STAG1: variants seen among roughly 807,000 people sequenced by gnomAD.
STAG1 encodes the protein cohesin subunit SA-1.
In STAG1, 26 loss-of-function variants were observed where a neutral mutation model predicts 170.9. The observed-to-expected ratio is 0.15, with a 90% CI of 0.11 to 0.21. STAG1 has a LOEUF of 0.21. STAG1 is among the 10% of genes least tolerant of loss of function. The pLI is 1.00. For missense variants in STAG1, 964 were observed against 1,509.5 expected, an observed-to-expected ratio of 0.64 and a Z score of 5.99; for synonymous variants, 514 against 497.7, an observed-to-expected ratio of 1.03 and a Z score of -0.44.
intron 23 of STAG1, among the ~76,000 whole-genome samples, chr3:136,373,654 C>T (rs190074279): frequency 2.0e-5 from 3 of 152,062 alleles, no homozygotes; most frequent in South Asian, 2.1e-4. Context: ...TGCAGTTGAG[C>T]GGTTTTGAGT....
At chr3:136,544,262 A>G (rs1157388899) in intron 5 of STAG1, among the ~76,000 whole-genome samples, 1 of 152,178 alleles carries the variant, frequency 6.6e-6, no homozygotes, top group African/African-American at 2.4e-5. Flanking sequence ...CACAGTTTAG[A>G]GAAATGTCTC....
At chr3:136,367,129 C>A in intron 24 of STAG1, 47 bp from the exon 25 acceptor site, 1 of 1,453,042 alleles carries the variant, frequency 6.9e-7, no homozygotes, top group Non-Finnish European at 9.4e-7. Flanking sequence ...ACTTTATCCA[C>A]GTAAAACAAT....
chr3:136,518,409 A>C, intron 7 of STAG1: 1 of 700,140 alleles, frequency 1.4e-6, no homozygotes, highest in Non-Finnish European at 2.6e-6. Context: ...AGTCCCCAAG[A>C]CTTGTCCTGC....
chr3:136,528,481 C>G lies in STAG1; in HGVS notation c.472-7064G>C, dbSNP rs868664441. On this transcript the variant is annotated intron_variant, in intron 6 of 33. Transcript: ENST00000383202. ...AAGGAATACAATAATTCCCCAGCAACAGATGTCCCCGCACCCCCCCCCCCA... is the reference window on the plus strand; with the variant it reads ...AAGGAATACAATAATTCCCCAGCAAGAGATGTCCCCGCACCCCCCCCCCCA... Among the ~76,000 whole-genome samples the G allele has an allele frequency of 8.3e-5, 10 of 120,516 alleles. 1 individual carries two copies. In the Middle Eastern group the frequency reaches 0.023, roughly 282 times the overall value. 79.1% of individuals were successfully genotyped at this position (120,516 alleles called of 152,430 possible).
intron 1 of STAG1, among the ~76,000 whole-genome samples, chr3:136,702,075 AAGAGAGAGAGAGAGAGAGAGAGAGAG>A (rs745623191): frequency 2.2e-5 from 2 of 92,164 alleles, no homozygotes; most frequent in South Asian, 4.5e-4. Flanking sequence ...ACCATGCCGA[AAGAGAGAGAGAGAGAGAGAGAGAGAG>A]AGAGAGAGAG....
At chr3:136,701,460 A>AC (rs1286003657) in intron 1 of STAG1, among the ~76,000 whole-genome samples, 1 of 152,124 alleles carries the variant, frequency 6.6e-6, no homozygotes, top group Non-Finnish European at 1.5e-5. Context: ...AGTAGTGCTT[A>AC]CCCTACACAT....
intron 9 of STAG1, among the ~76,000 whole-genome samples, chr3:136,491,017 C>G (rs527619560): frequency 2.6e-5 from 4 of 152,214 alleles, no homozygotes; most frequent in Admixed American, 1.3e-4. Flanking sequence ...ATTCCCTAAC[C>G]TACTCAGCAC....
At chr3:136,718,211 T>C (rs1444520061) in intron 1 of STAG1, among the ~76,000 whole-genome samples, 1 of 152,176 alleles carries the variant, frequency 6.6e-6, no homozygotes, top group Non-Finnish European at 1.5e-5. Context: ...AATGGGAATA[T>C]ATTTATCTTT....
At position 136,389,919 on chromosome 3, in the gene STAG1, C is replaced by T. The variant is rs996935767; in HGVS notation, c.2277+8830G>A. On this transcript the variant is annotated intron_variant, in intron 22 of 33. Transcript: ENST00000383202. ...TGATCTTGGCTCATTGCAACCTCTG[C>T]CTCCCGGGTTCCAGCGATTCTTCTG... is the stretch of plus-strand genomic sequence containing the variant. Among the ~76,000 whole-genome samples the T allele has an allele frequency of 4.6e-5, 7 of 151,644 alleles. No individual in the cohort carries two copies. The East Asian group carries it at 1.4e-3, about 30-fold the overall frequency.
chr3:136,372,947 G>A (rs1414091062), intron 23 of STAG1, among the ~76,000 whole-genome samples: 2 of 152,088 alleles, frequency 1.3e-5, no homozygotes, highest in Non-Finnish European at 2.9e-5. Flanking sequence ...TTGTACCTCT[G>A]GTAGAATTCG....
intron 22 of STAG1, among the ~76,000 whole-genome samples, chr3:136,384,369 G>A (rs906564532): frequency 1.3e-5 from 2 of 151,266 alleles, no homozygotes; most frequent in Admixed American, 6.6e-5. Flanking sequence ...AGAACTGCTT[G>A]AACCTTGGAG....
At chr3:136,342,148 T>A (rs1001760644) in intron 30 of STAG1, among the ~76,000 whole-genome samples, 2 of 151,230 alleles carry the variant, frequency 1.3e-5, no homozygotes, top group African/African-American at 2.4e-5. Context: ...GCCTCCCGAG[T>A]AGCTGGGACT....
chr3:136,582,095 G>C (rs565488291), intron 4 of STAG1, among the ~76,000 whole-genome samples: 2 of 151,802 alleles, frequency 1.3e-5, no homozygotes, highest in Non-Finnish European at 2.9e-5. Flanking sequence ...GTCACTAAGT[G>C]CTGACTATAT....
intron 1 of STAG1, among the ~76,000 whole-genome samples, chr3:136,681,304 G>T (rs1942326398): frequency 6.6e-6 from 1 of 152,120 alleles, no homozygotes; most frequent in Non-Finnish European, 1.5e-5. Flanking sequence ...ATTTACCTAT[G>T]CCCTAATTGA....
intron 1 of STAG1, among the ~76,000 whole-genome samples, chr3:136,706,062 C>T (rs2107913712): frequency 6.6e-6 from 1 of 152,118 alleles, no homozygotes; most frequent in East Asian, 1.9e-4. Flanking sequence ...AGAGTGAGAC[C>T]CTGTCTCAGA....
chr3:136,643,697 T>A (rs556678664), intron 1 of STAG1, among the ~76,000 whole-genome samples: 1 of 152,076 alleles, frequency 6.6e-6, no homozygotes, highest in African/African-American at 2.4e-5. Flanking sequence ...TTTGTAGAGA[T>A]AGGGTTTTGC....
intron 1 of STAG1, among the ~76,000 whole-genome samples, chr3:136,673,242 C>T (rs190853217): frequency 5.2e-4 from 79 of 152,250 alleles, no homozygotes; most frequent in Non-Finnish European, 3.4e-4. Context: ...AGGAAGAATA[C>T]GTAGCAAAGG....
At chr3:136,518,584 G>A (rs1402985664) in intron 7 of STAG1, among the ~76,000 whole-genome samples, 2 of 152,118 alleles carry the variant, frequency 1.3e-5, no homozygotes, top group African/African-American at 4.8e-5. Flanking sequence ...TTGAAGGGTA[G>A]GTGACTGCTA....
chr3:136,737,633 C>T (rs532510725), intron 1 of STAG1, among the ~76,000 whole-genome samples: 7 of 152,290 alleles, frequency 4.6e-5, no homozygotes, highest in Admixed American at 1.3e-4. Context: ...TTAATGATAC[C>T]GCTTACTATA....
Sources: allele counts gnomAD v4.1 joint callset (sites outside exome capture counted in the v4.1 genomes callset), GRCh38; gene constraint gnomAD v4.1.1; transcripts MANE v1.5; gene names NCBI Gene and HGNC (gene_info 2026-07-23, HGNC 2026-07-21).